ATG7: variants seen among roughly 807,000 people sequenced by gnomAD.
The protein encoded by ATG7 is ubiquitin-like modifier-activating enzyme ATG7.
In ATG7, 70 loss-of-function variants were observed where a neutral mutation model predicts 82.4. The ratio of observed to expected loss-of-function variants is 0.85; its 90% CI spans 0.70 to 1.04. The LOEUF (loss-of-function observed/expected upper bound fraction) is 1.04. Ranked by LOEUF, ATG7 falls within the 50% of genes least tolerant of loss-of-function variation. The pLI is 0.00. For missense variants in ATG7, 792 were observed against 864.3 expected (o/e 0.92, Z 1.05); for synonymous variants, 287 against 313.0 (o/e 0.92, Z 0.88).
chr3:11,565,915 C>G, the ATG7 span, among the ~76,000 whole-genome samples: 1 of 152,224 alleles, frequency 6.6e-6, no homozygotes, highest in Non-Finnish European at 1.5e-5. The surrounding 1 kb of genome is among the most constrained non-coding windows in gnomAD (Gnocchi z 4.1). Context: ...TGCCTTGGGT[C>G]TTGCCCCTTC....
downstream of ATG7, chr3:11,559,600 G>A: frequency 7.8e-7 from 1 of 1,274,832 alleles, no homozygotes; most frequent in Non-Finnish European, 1.0e-6. Context: ...CTGGAGTCCT[G>A]TTGCTAAACA....
chr3:11,524,282 GCCCATT>G lies in ATG7; in HGVS notation c.2080-30524_2080-30519del, dbSNP rs143465499. Reference sequence around the variant, plus strand: ...ATTGCTTTCCAGCCACAATGGAGAAGCCCATTCCCACTCTTGTCCCCACTGGGAAAC... The same window carrying G: ...ATTGCTTTCCAGCCACAATGGAGAAGCCCACTCTTGTCCCCACTGGGAAAC... On this transcript the variant is annotated intron_variant, in intron 20 of 20. Coordinates refer to ENST00000693202, the MANE Select transcript of ATG7 (RefSeq NM_001349232.2). Among the ~76,000 whole-genome samples, 452 of 152,306 alleles carry G rather than the reference GCCCATT, an allele frequency of 3.0e-3. 6 individuals are homozygous for G. In the East Asian group the frequency reaches 0.04, roughly 13 times the overall value.
chr3:11,489,146 C>G (rs376643856), intron 20 of ATG7, among the ~76,000 whole-genome samples: 1 of 152,158 alleles, frequency 6.6e-6, no homozygotes, highest in Admixed American at 6.5e-5. Flanking sequence ...GTGTATGTGT[C>G]GAGGAATTTA....
intron 8 of ATG7, 40 bp from the exon 9 acceptor site, chr3:11,315,304 G>A (rs557578800): frequency 3.4e-6 from 5 of 1,473,032 alleles, no homozygotes; most frequent in Non-Finnish European, 4.5e-6. Flanking sequence ...AACTAGAAAT[G>A]TAATTTTCTA....
intron 20 of ATG7, among the ~76,000 whole-genome samples, chr3:11,427,404 G>A (rs1464065760): frequency 6.6e-6 from 1 of 151,742 alleles, no homozygotes. Context: ...ACCATGAAAT[G>A]GCTTCCCCAG....
chr3:11,330,203 A>G (rs548832506), intron 9 of ATG7, among the ~76,000 whole-genome samples: 8 of 152,132 alleles, frequency 5.3e-5, no homozygotes, highest in East Asian at 1.9e-4. Flanking sequence ...TAAAAATACT[A>G]TTTTTTCTTT....
chr3:11,414,563 C>G lies in ATG7; in HGVS notation c.1957-12241C>G, dbSNP rs142970124. On this transcript the variant is annotated intron_variant, in intron 19 of 20. Transcript: ENST00000693202. ...TCTTTTTCTTGTCTTATTTCATTAG[C>G]TAGGCCTTCTATTATGATGTTGAAA... is the stretch of plus-strand genomic sequence containing the variant. 6.4e-3 allele frequency among the ~76,000 whole-genome samples: 971 copies of G among 152,282 alleles called. 6 individuals carry two copies. The highest frequency in any genetic ancestry group is 0.034 in the East Asian group (174 of 5,186).
At chr3:11,277,633 G>T (rs566421397) in intron 1 of ATG7, among the ~76,000 whole-genome samples, 2 of 152,310 alleles carry the variant, frequency 1.3e-5, no homozygotes, top group Admixed American at 1.3e-4. Flanking sequence ...AAGATCACAT[G>T]CTTCTGAGGA....
chr3:11,463,186 C>T (rs1000990639), intron 20 of ATG7, among the ~76,000 whole-genome samples: 2 of 151,794 alleles, frequency 1.3e-5, no homozygotes, highest in African/African-American at 2.4e-5. Context: ...TGCCCGGCCC[C>T]TCTCAGATAT....
At chr3:11,372,339 C>T (rs927279447) in intron 18 of ATG7, among the ~76,000 whole-genome samples, 1 of 150,734 alleles carries the variant, frequency 6.6e-6, no homozygotes, top group African/African-American at 2.5e-5. Flanking sequence ...CTATGGAACA[C>T]TAATGTTGGT....
chr3:11,506,571 A>C (rs866119726), intron 20 of ATG7, among the ~76,000 whole-genome samples: 46 of 135,568 alleles, frequency 3.4e-4, no homozygotes, highest in Admixed American at 6.8e-4. Context: ...AAAAAAAAAA[A>C]AAAAAAAAAA....
At chr3:11,433,018 A>ACG (rs2083048795) in intron 20 of ATG7, among the ~76,000 whole-genome samples, 1 of 151,508 alleles carries the variant, frequency 6.6e-6, no homozygotes, top group African/African-American at 2.4e-5. Context: ...TGGGATGGGT[A>ACG]CAGTGGCTTA....
At chr3:11,366,764 T>C (rs2076639705) in intron 18 of ATG7, among the ~76,000 whole-genome samples, 2 of 152,116 alleles carry the variant, frequency 1.3e-5, no homozygotes, top group African/African-American at 4.8e-5. Context: ...TCAAAATGCA[T>C]GTGCCCATGT....
At chr3:11,559,788 G>A (rs932106149), downstream of ATG7, among the ~76,000 whole-genome samples, 1 of 152,174 alleles carries the variant, frequency 6.6e-6, no homozygotes, top group African/African-American at 2.4e-5. Flanking sequence ...AGGGTTGCAG[G>A]AGGGACCTCG....
intron 19 of ATG7, among the ~76,000 whole-genome samples, chr3:11,384,989 A>C (rs1418485866): frequency 6.6e-6 from 1 of 152,138 alleles, no homozygotes; most frequent in Non-Finnish European, 1.5e-5. Flanking sequence ...AAATAACAAA[A>C]AGTCAACTTA....
intron 20 of ATG7, among the ~76,000 whole-genome samples, chr3:11,465,088 A>AGTGTGTGTGTGTGTGTGTGT (rs55999171): frequency 1.9e-4 from 28 of 147,418 alleles, no homozygotes; most frequent in African/African-American, 6.7e-4. Flanking sequence ...AAAAACCTAA[A>AGTGTGTGTGTGTGTGTGTGT]GTGTGTGTGT....
chr3:11,368,752 A>G lies in ATG7; in HGVS notation c.1875+4018A>G, dbSNP rs532819801. ...GTCCCTGTCTCAAAAAAAAAAAAAA[A>G]GGAATCAAGGTGACGCTACAACAGT... On this transcript the variant is annotated intron_variant, in intron 18 of 20. Transcript: ENST00000693202. 1.4e-4 allele frequency among the ~76,000 whole-genome samples: 19 copies of G among 139,060 alleles called. 1 individual carries two copies. The South Asian group carries it at 3.9e-3, about 28-fold the overall frequency. 91.2% of individuals were successfully genotyped at this position (139,060 alleles called of 152,430 possible).
intron 13 of ATG7, among the ~76,000 whole-genome samples, chr3:11,343,259 A>C (rs1212034577): frequency 6.6e-6 from 1 of 152,170 alleles, no homozygotes; most frequent in Non-Finnish European, 1.5e-5. Context: ...ATTGCCTTCC[A>C]AAAATGTTAC....
intron 14 of ATG7, 56 bp from the exon 15 acceptor site, chr3:11,358,362 T>G: frequency 2.3e-4 from 344 of 1,513,212 alleles, no homozygotes; most frequent in Non-Finnish European, 2.8e-4. Context: ...GTGTGGGCTC[T>G]GAGATATTAC....
Sources: allele counts gnomAD v4.1 joint callset (sites outside exome capture counted in the v4.1 genomes callset), GRCh38; gene constraint gnomAD v4.1.1; non-coding constraint Gnocchi (gnomAD v3.1); transcripts MANE v1.5; gene names NCBI Gene and HGNC (gene_info 2026-07-23, HGNC 2026-07-21).